The following FAT4 variants were observed in gnomAD, a reference collection of about 807,000 sequenced individuals.
The protein encoded by FAT4 is protocadherin Fat 4.
FAT4 carries 84 observed loss-of-function variants against 303.9 expected under a neutral mutation model. The observed-to-expected ratio is 0.28, with a 90% CI of 0.23 to 0.33. The LOEUF is 0.33. Among genes scored for constraint, FAT4 ranks in the 10% least tolerant of loss-of-function variants. The pLI is 1.00. For missense variants in FAT4, 6,005 were observed against 6,146.8 expected (o/e 0.98, Z 0.77); for synonymous variants, 2,307 against 2,298.8 (o/e 1.00, Z -0.10).
At chr4:125,422,431 T>A (rs1489870400) in intron 7 of FAT4, among the ~76,000 whole-genome samples, 1 of 152,164 alleles carries the variant, frequency 6.6e-6, no homozygotes, top group South Asian at 2.1e-4. Flanking sequence ...TATTGAATCA[T>A]GGGGGCAGTT....
intron 2 of FAT4, among the ~76,000 whole-genome samples, chr4:125,379,148 G>T (rs962578507): frequency 1.3e-5 from 2 of 151,762 alleles, no homozygotes; most frequent in Non-Finnish European, 2.9e-5. Context: ...TTTTGACAAA[G>T]AATTCACTTA....
At chr4:125,382,421 G>A (rs1487661210) in intron 2 of FAT4, among the ~76,000 whole-genome samples, 1 of 152,180 alleles carries the variant, frequency 6.6e-6, no homozygotes, top group Admixed American at 6.5e-5. Context: ...TGGATGACCA[G>A]GTAGATTGTC....
chr4:125,461,348 G>C (rs1726477466), intron 10 of FAT4, among the ~76,000 whole-genome samples: 1 of 151,982 alleles, frequency 6.6e-6, no homozygotes, highest in South Asian at 2.1e-4. Context: ...ACATATAGTA[G>C]CTTTATAGGA....
At chr4:125,489,849 T>C (rs1727543889) in intron 17 of FAT4, 52 bp from the exon 18 acceptor site, 1 of 387,014 alleles carries the variant, frequency 2.6e-6, no homozygotes, top group Non-Finnish European at 3.6e-6. Context: ...TATAAGCTCT[T>C]TTTTTTTTTT....
intron 2 of FAT4, among the ~76,000 whole-genome samples, chr4:125,354,991 C>A (rs1732371169): frequency 6.6e-6 from 1 of 151,662 alleles, no homozygotes; most frequent in African/African-American, 2.4e-5. Context: ...TTCCTGTTAT[C>A]CACATATTTT....
intron 2 of FAT4, among the ~76,000 whole-genome samples, chr4:125,393,019 T>C (rs1001833447): frequency 6.6e-6 from 1 of 152,210 alleles, no homozygotes; most frequent in Non-Finnish European, 1.5e-5. Flanking sequence ...GAAATGGACT[T>C]GATGATATTT....
chr4:125,335,166 C>T (rs189321043), intron 2 of FAT4, among the ~76,000 whole-genome samples: 1 of 152,140 alleles, frequency 6.6e-6, no homozygotes, highest in Non-Finnish European at 1.5e-5. Context: ...AAACTGAACA[C>T]AGATGGCTGT....
chr4:125,443,171 A>G (rs766415413), intron 8 of FAT4, among the ~76,000 whole-genome samples: 11 of 152,198 alleles, frequency 7.2e-5, no homozygotes, highest in Admixed American at 3.3e-4. Flanking sequence ...AAGTTTTACA[A>G]AATCAAATGG....
At chr4:125,429,963 C>A (rs187163937) in intron 7 of FAT4, among the ~76,000 whole-genome samples, 66 of 152,194 alleles carry the variant, frequency 4.3e-4, no homozygotes, top group Admixed American at 3.1e-3. Flanking sequence ...CGGAGAACCT[C>A]TCCACACAGT....
intron 2 of FAT4, among the ~76,000 whole-genome samples, chr4:125,360,106 C>A (rs542982271): frequency 2.0e-4 from 31 of 152,228 alleles, no homozygotes; most frequent in African/African-American, 6.5e-4. Context: ...ATCTTTTGTT[C>A]TTTTCTGTTA....
chr4:125,427,011 C>T lies in FAT4; in HGVS notation c.7019-7234C>T, dbSNP rs893579375. ...TCTTAAATATATAATTTGATATTTT[C>T]ACTCAGGAGGCAGGCAGAGGTAGGT... On this transcript the variant is annotated intron_variant, in intron 7 of 17. Coordinates refer to ENST00000394329, the MANE Select transcript of FAT4 (RefSeq NM_001291303.3). 6.6e-5 allele frequency among the ~76,000 whole-genome samples: 10 copies of T among 151,784 alleles called. 1 individual carries two copies. The highest frequency in any genetic ancestry group is 6.6e-4 in the Admixed American group (10 of 15,242).
intron 2 of FAT4, among the ~76,000 whole-genome samples, chr4:125,379,486 G>A (rs904841236): frequency 2.6e-5 from 4 of 151,768 alleles, no homozygotes; most frequent in Non-Finnish European, 4.4e-5. Context: ...TTGAGATGGA[G>A]TCTTGCTCTG....
At chr4:125,352,735 T>C (rs1732274911) in intron 2 of FAT4, among the ~76,000 whole-genome samples, 1 of 151,496 alleles carries the variant, frequency 6.6e-6, no homozygotes, top group Non-Finnish European at 1.5e-5. Flanking sequence ...CCAGTCTTCT[T>C]TGTAGGGCTA....
At position 125,318,433 on chromosome 4, in the gene FAT4, C is replaced by A; in HGVS notation, c.2022C>A (p.Arg674=). The change falls in exon 2 of 18, where the codon CGC becomes CGA. Residue 674 remains arginine, a synonymous_variant. Transcript: ENST00000394329. Reference sequence around the variant, plus strand: ...CCCCTCCCCAGTCATCAATGGCTCGCATAAATGTGAGTCTTCTGGATATAA... The same window carrying A: ...CCCCTCCCCAGTCATCAATGGCTCGAATAAATGTGAGTCTTCTGGATATAA... ...LGSPPQSSMA[R]INVSLLDIND... 1.2e-6 allele frequency: 2 copies of A among 1,614,144 alleles called. No homozygotes were observed. The highest frequency in any genetic ancestry group is 1.7e-6 in the Non-Finnish European group (2 of 1,180,040).
intron 11 of FAT4, among the ~76,000 whole-genome samples, chr4:125,464,021 A>G (rs1726572358): frequency 6.6e-6 from 1 of 152,162 alleles, no homozygotes; most frequent in Non-Finnish European, 1.5e-5. Context: ...AATCTTTAAG[A>G]GTAGTCAAAG....
At chr4:125,413,815 A>G (rs550077544) in intron 5 of FAT4, among the ~76,000 whole-genome samples, 111 of 152,142 alleles carry the variant, frequency 7.3e-4, no homozygotes, top group African/African-American at 2.5e-3. Flanking sequence ...AAAAGTGAAC[A>G]TCACTTCTCA....
intron 2 of FAT4, among the ~76,000 whole-genome samples, chr4:125,370,294 T>C (rs1276342446): frequency 6.6e-6 from 1 of 152,200 alleles, no homozygotes; most frequent in East Asian, 1.9e-4. Context: ...TATTTCTCAT[T>C]GTATTCCGAC....
chr4:125,476,334 A>C, intron 13 of FAT4, 78 bp downstream of exon 13: 1 of 690,510 alleles, frequency 1.4e-6, no homozygotes, highest in East Asian at 3.1e-5. Flanking sequence ...AAATAATTAT[A>C]GGATGCTAAG....
intron 7 of FAT4, among the ~76,000 whole-genome samples, chr4:125,425,611 G>T (rs1002674602): frequency 1.3e-5 from 2 of 152,052 alleles, no homozygotes; most frequent in African/African-American, 4.8e-5. Flanking sequence ...TAAGTATAAA[G>T]TACAAAGCGA....
Sources: gnomAD v4.1 joint callset for allele counts (sites outside exome capture counted in the v4.1 genomes callset) on GRCh38, gnomAD v4.1.1 for gene constraint, MANE v1.5 for transcripts, NCBI Gene and HGNC (gene_info 2026-07-23, HGNC 2026-07-21) for gene names.